The following ADAM29 variants were observed in gnomAD, a reference collection of about 807,000 sequenced individuals.
ADAM29 encodes the protein ADAM metallopeptidase domain 29.
For missense variants in ADAM29, 969 were observed against 1,001.8 expected, an observed-to-expected ratio of 0.97 and a Z score of 0.44; for synonymous variants, 367 against 342.3, an observed-to-expected ratio of 1.07 and a Z score of -0.80.
intron 3 of ADAM29, chr4:174,931,513 C>T (rs1451279111): frequency 6.6e-6 from 1 of 152,174 alleles, no homozygotes; most frequent in Non-Finnish European, 1.5e-5. Flanking sequence ...AGCAGATTCT[C>T]CCTTTTTCTT....
At chr4:174,927,235 A>C (rs1233653625) in intron 2 of ADAM29, among the ~76,000 whole-genome samples, 1 of 152,222 alleles carries the variant, frequency 6.6e-6, no homozygotes. Context: ...CTCTACTTTT[A>C]GGTGTTTGCC....
rs924976394 is a variant in ADAM29, at chr4:174,923,547, A to G, written c.-451+2755A>G. On this transcript the variant is annotated intron_variant, in intron 2 of 4. Coordinates refer to ENST00000359240, the MANE Select transcript of ADAM29 (RefSeq NM_014269.4). Reference sequence around the variant, plus strand: ...TATGTATATATATATATATATATATATATATATATATATACACACACACAT... The same window carrying G: ...TATGTATATATATATATATATATATGTATATATATATATACACACACACAT... Among the ~76,000 whole-genome samples, 39 of 143,898 alleles carry G rather than the reference A, an allele frequency of 2.7e-4. 1 individual carries two copies. In the South Asian group the frequency reaches 8.5e-3, roughly 31 times the overall value. 94.4% of individuals were successfully genotyped at this position (143,898 alleles called of 152,430 possible).
Position 174,976,119 on chromosome 4 carries a change from G to A in ADAM29, c.594G>A (p.Arg198=). The A allele has an allele frequency of 6.2e-7, 1 of 1,613,086 alleles. No individual in the cohort carries two copies. The highest frequency in any genetic ancestry group is 8.5e-7 in the Non-Finnish European group (1 of 1,179,890). The change falls in exon 5 of 5, where the codon AGG becomes AGA. Residue 198 remains arginine (R), a synonymous_variant. Transcript: ENST00000359240. Reference sequence around the variant, plus strand: ...ATGTGGGCTGGTGGATCCATTTTAGGATTGTTGAAATTGTAGTCGTCATTG... The same window carrying A: ...ATGTGGGCTGGTGGATCCATTTTAGAATTGTTGAAATTGTAGTCGTCATTG... ...SSYVGWWIHF[R]IVEIVVVIDN... is the part of the protein sequence containing the mutation.
chr4:174,941,328 C>T (rs1276769347), intron 4 of ADAM29, among the ~76,000 whole-genome samples: 3 of 152,142 alleles, frequency 2.0e-5, no homozygotes, highest in Admixed American at 2.0e-4. Context: ...TTGTCTAATA[C>T]AGTGAAGCCT....
At chr4:174,946,403 C>G (rs185684408) in intron 4 of ADAM29, among the ~76,000 whole-genome samples, 1 of 152,056 alleles carries the variant, frequency 6.6e-6, no homozygotes, top group African/African-American at 2.4e-5. Flanking sequence ...GGGGCAGAGA[C>G]TATGAGGCTT....
At chr4:174,953,088 C>A (rs1178084635) in intron 4 of ADAM29, among the ~76,000 whole-genome samples, 1 of 152,104 alleles carries the variant, frequency 6.6e-6, no homozygotes, top group Non-Finnish European at 1.5e-5. Flanking sequence ...AGATCGAGAC[C>A]ATCCTGGCTA....
At chr4:174,967,163 G>T (rs539642035) in intron 4 of ADAM29, among the ~76,000 whole-genome samples, 2 of 152,222 alleles carry the variant, frequency 1.3e-5, no homozygotes, top group East Asian at 3.9e-4. Context: ...TAAATCAGAA[G>T]CCCACCTCTG....
intron 2 of ADAM29, chr4:174,923,954 A>C (rs749229356): frequency 1.3e-5 from 2 of 152,366 alleles, no homozygotes; most frequent in Non-Finnish European, 2.9e-5. Flanking sequence ...TCCCAAGGCC[A>C]CTTCTTCTCA....
chr4:174,969,848 A>G (rs1218623617), intron 4 of ADAM29, among the ~76,000 whole-genome samples: 3 of 152,108 alleles, frequency 2.0e-5, no homozygotes, highest in African/African-American at 7.2e-5. Flanking sequence ...AAATAATGCT[A>G]TGATATTTTT....
intron 4 of ADAM29, among the ~76,000 whole-genome samples, chr4:174,971,233 T>C (rs1348718374): frequency 6.6e-6 from 1 of 152,172 alleles, no homozygotes; most frequent in Admixed American, 6.5e-5. Context: ...TAAAAAATAA[T>C]AGTCATTTAT....
chr4:174,947,495 T>G (rs1206826055), intron 4 of ADAM29, among the ~76,000 whole-genome samples: 1 of 152,226 alleles, frequency 6.6e-6, no homozygotes, highest in African/African-American at 2.4e-5. Flanking sequence ...TTAATTTCAT[T>G]GTTTACCCAA....
Position 174,977,523 on chromosome 4 carries a change from A to T in ADAM29, c.1998A>T (p.Pro666=), listed in dbSNP as rs748931954. 9.9e-6 allele frequency: 16 copies of T among 1,614,008 alleles called. No individual in the cohort carries two copies. The highest frequency in any genetic ancestry group is 1.7e-5 in the Admixed American group (1 of 59,992). ...KGYGGSVDSG[P]PPKRKKKKKF... ...ATGGAGGTAGTGTTGACAGTGGCCC[A>T]CCCCCTAAGAGAAAGAAGAAAAAGA... Residue 666 remains proline (P), a synonymous_variant, in exon 5 of 5, where the codon CCA becomes CCT. Coordinates refer to ENST00000359240, the MANE Select transcript of ADAM29 (RefSeq NM_014269.4).
chr4:174,959,606 T>G (rs1745697237), intron 4 of ADAM29, among the ~76,000 whole-genome samples: 1 of 151,718 alleles, frequency 6.6e-6, no homozygotes, highest in South Asian at 2.1e-4. Context: ...TAGTTCTCAT[T>G]TACTTTTTTT....
chr4:174,926,027 T>TA (rs1331020805), intron 2 of ADAM29, among the ~76,000 whole-genome samples: 1 of 152,110 alleles, frequency 6.6e-6, no homozygotes, highest in Non-Finnish European at 1.5e-5. Context: ...CTATTTTGTG[T>TA]AAAAAAAGGA....
intron 4 of ADAM29, among the ~76,000 whole-genome samples, chr4:174,963,867 A>G (rs879856973): frequency 5.3e-5 from 8 of 152,010 alleles, no homozygotes; most frequent in Non-Finnish European, 1.0e-4. Flanking sequence ...TTTTTAGTAG[A>G]GACGGGGTTT....
At chr4:174,932,418 C>A (rs1743941908) in intron 3 of ADAM29, among the ~76,000 whole-genome samples, 1 of 152,136 alleles carries the variant, frequency 6.6e-6, no homozygotes, top group South Asian at 2.1e-4. Flanking sequence ...TGGTAAGCTA[C>A]CTCAGTCTAT....
intron 4 of ADAM29, among the ~76,000 whole-genome samples, chr4:174,964,788 A>C (rs891592425): frequency 1.3e-5 from 2 of 152,156 alleles, no homozygotes; most frequent in African/African-American, 2.4e-5. Context: ...AGAAAGTTGA[A>C]TTTAACCACA....
In ADAM29 at chr4:174,926,639, G is replaced by A. The variant is rs183865994; in HGVS notation, c.-450-4347G>A. Among the ~76,000 whole-genome samples, 10 of 148,632 alleles carry A rather than the reference G, an allele frequency of 6.7e-5. No individual in the cohort carries two copies. In the East Asian group the frequency reaches 1.8e-3, roughly 27 times the overall value. On this transcript the variant is annotated intron_variant, in intron 2 of 4. Transcript: ENST00000359240. ...ACCATTAGGGAGTGTCGTGGTGCAA[G>A]CCTATAATCCCTGCTACTCAGGAGG... is the stretch of plus-strand genomic sequence containing the variant.
intron 4 of ADAM29, among the ~76,000 whole-genome samples, chr4:174,943,775 G>C (rs1744683377): frequency 6.6e-6 from 1 of 150,522 alleles, no homozygotes; most frequent in African/African-American, 2.4e-5. Context: ...GTCAACTTCT[G>C]ATCTTTGACT....
Sources: gnomAD v4.1 joint callset for allele counts (sites outside exome capture counted in the v4.1 genomes callset) on GRCh38, gnomAD v4.1.1 for gene constraint, MANE v1.5 for transcripts, NCBI Gene and HGNC (gene_info 2026-07-23, HGNC 2026-07-21) for gene names.